SH3RF1: variants seen among roughly 807,000 people sequenced by gnomAD.
SH3RF1 encodes the protein E3 ubiquitin-protein ligase SH3RF1.
Under a neutral mutation model 74.0 loss-of-function variants are expected in SH3RF1, and 32 were observed. The observed-to-expected ratio is 0.43, with a 90% CI of 0.33 to 0.58. The LOEUF is 0.58. Ranked by LOEUF, SH3RF1 falls within the 20% of genes least tolerant of loss-of-function variation. The pLI is 0.05. For missense variants in SH3RF1, 954 were observed against 1,130.9 expected (o/e 0.84, Z 2.24); for synonymous variants, 396 against 439.6 (o/e 0.90, Z 1.24).
chr4:169,202,868 TA>T (rs1734933978), intron 2 of SH3RF1, among the ~76,000 whole-genome samples: 1 of 152,194 alleles, frequency 6.6e-6, no homozygotes, highest in African/African-American at 2.4e-5. Flanking sequence ...AAAGAAACTT[TA>T]AAAAACTGGC....
At chr4:169,128,699 CTAAT>C (rs1263892877) in intron 6 of SH3RF1, among the ~76,000 whole-genome samples, 1 of 152,186 alleles carries the variant, frequency 6.6e-6, no homozygotes, top group Non-Finnish European at 1.5e-5. Context: ...AACATTTTGA[CTAAT>C]TATGTTGTGG....
At chr4:169,226,673 C>A (rs986423409) in intron 2 of SH3RF1, among the ~76,000 whole-genome samples, 3 of 152,098 alleles carry the variant, frequency 2.0e-5, no homozygotes, top group African/African-American at 7.2e-5. Context: ...CCACAGTGCA[C>A]CATCAATTTT....
intron 2 of SH3RF1, among the ~76,000 whole-genome samples, chr4:169,257,184 C>G (rs1731205097): frequency 6.6e-6 from 1 of 152,188 alleles, no homozygotes; most frequent in Admixed American, 6.5e-5. Context: ...TATTACCAGA[C>G]ACTTTCTGTC....
chr4:169,169,355 G>C (rs1734290497), intron 2 of SH3RF1, among the ~76,000 whole-genome samples: 1 of 152,174 alleles, frequency 6.6e-6, no homozygotes. Flanking sequence ...CCAGCACTTT[G>C]GGAGGCTGAG....
intron 2 of SH3RF1, among the ~76,000 whole-genome samples, chr4:169,221,426 ACT>A (rs1368850325): frequency 6.6e-6 from 1 of 152,100 alleles, no homozygotes; most frequent in Non-Finnish European, 1.5e-5. Flanking sequence ...CAAAAATAAA[ACT>A]CTTAAAATTA....
intron 2 of SH3RF1, among the ~76,000 whole-genome samples, chr4:169,173,753 C>T (rs1734369177): frequency 2.0e-5 from 3 of 151,142 alleles, no homozygotes; most frequent in South Asian, 4.2e-4. Context: ...TACAAGCTAC[C>T]TTTTTTTTTA....
intron 11 of SH3RF1, among the ~76,000 whole-genome samples, chr4:169,101,671 AG>A: frequency 6.7e-6 from 1 of 148,200 alleles, no homozygotes; most frequent in Non-Finnish European, 1.5e-5. Context: ...TTTAAAAAAA[AG>A]GCAAAAAAAA....
intron 11 of SH3RF1, among the ~76,000 whole-genome samples, chr4:169,106,429 G>A (rs1733139160): frequency 6.6e-6 from 1 of 151,438 alleles, no homozygotes; most frequent in African/African-American, 2.4e-5. Context: ...GGACATACCT[G>A]CTCTAGTTGC....
At chr4:169,188,456 C>T (rs1263151210) in intron 2 of SH3RF1, among the ~76,000 whole-genome samples, 1 of 152,166 alleles carries the variant, frequency 6.6e-6, no homozygotes, top group Admixed American at 6.5e-5. Context: ...AAGGTTGAAG[C>T]AAAACCTAAC....
intron 2 of SH3RF1, among the ~76,000 whole-genome samples, chr4:169,184,089 T>G (rs764431151): frequency 6.6e-6 from 1 of 152,134 alleles, no homozygotes; most frequent in Non-Finnish European, 1.5e-5. Context: ...TAATGCAAAT[T>G]CACTCACATG....
rs752110476 is a variant in SH3RF1 at position 169,190,588 on chromosome 4, C to CA, written c.394-33910dup. 2.2e-3 allele frequency among the ~76,000 whole-genome samples: 299 copies of CA among 136,640 alleles called. 1 individual carries two copies. The highest frequency in any genetic ancestry group is 2.7e-3 in the Admixed American group (37 of 13,706). The allele number at this position is 136,640 out of a possible 152,430, so 89.6% of individuals were successfully genotyped here. A position where few individuals can be genotyped will look rare whatever the true frequency, so the allele number is the denominator to read the frequency against. On this transcript the variant is annotated intron_variant, in intron 2 of 11. Coordinates refer to ENST00000284637, the MANE Select transcript of SH3RF1 (RefSeq NM_020870.4). ...ACTGAAATGGTCATTTTAAAATTACCAAAAAAAAAAAAGTCCAGTACCAGA... is the reference window on the plus strand; with the variant it reads ...ACTGAAATGGTCATTTTAAAATTACCAAAAAAAAAAAAAGTCCAGTACCAGA...
chr4:169,157,044 A>T (rs1273662026), intron 2 of SH3RF1, among the ~76,000 whole-genome samples: 1 of 152,242 alleles, frequency 6.6e-6, no homozygotes, highest in Non-Finnish European at 1.5e-5. Context: ...TACATTAACT[A>T]CTTTATTCAT....
At chr4:169,201,148 A>C (rs565504237) in intron 2 of SH3RF1, among the ~76,000 whole-genome samples, 10 of 152,362 alleles carry the variant, frequency 6.6e-5, no homozygotes, top group African/African-American at 2.4e-4. Flanking sequence ...ATATTTTTAA[A>C]ATTAACATCT....
At chr4:169,179,877 T>C (rs1452797686) in intron 2 of SH3RF1, among the ~76,000 whole-genome samples, 3 of 152,336 alleles carry the variant, frequency 2.0e-5, no homozygotes, top group African/African-American at 7.2e-5. Flanking sequence ...CTAAGACATA[T>C]TCCACCCACT....
chr4:169,132,135 C>T (rs552925800), intron 5 of SH3RF1, among the ~76,000 whole-genome samples: 36 of 152,236 alleles, frequency 2.4e-4, no homozygotes, highest in Admixed American at 5.2e-4. Flanking sequence ...TTGTTCAAAA[C>T]GCGAAGTACA....
chr4:169,208,454 T>C (rs991915246), intron 2 of SH3RF1, among the ~76,000 whole-genome samples: 16 of 152,224 alleles, frequency 1.1e-4, no homozygotes, highest in Admixed American at 7.9e-4. Flanking sequence ...GATAAAATTA[T>C]ACTTCTTTTT....
intron 4 of SH3RF1, among the ~76,000 whole-genome samples, chr4:169,142,429 T>C (rs111490639): frequency 6.6e-6 from 1 of 152,242 alleles, no homozygotes. Flanking sequence ...CATTCCACAA[T>C]TGTTTTAAAT....
intron 2 of SH3RF1, among the ~76,000 whole-genome samples, chr4:169,186,462 C>T (rs1734604065): frequency 6.6e-6 from 1 of 151,908 alleles, no homozygotes; most frequent in Non-Finnish European, 1.5e-5. Flanking sequence ...CCCCTATTTT[C>T]TTTCTGATTC....
chr4:169,105,122 T>C (rs1485764902), intron 11 of SH3RF1, among the ~76,000 whole-genome samples: 1 of 152,086 alleles, frequency 6.6e-6, no homozygotes. Context: ...TAACACTTTA[T>C]AGTAAGATTT....
Sources: allele counts gnomAD v4.1 joint callset (sites outside exome capture counted in the v4.1 genomes callset), GRCh38; gene constraint gnomAD v4.1.1; transcripts MANE v1.5; gene names NCBI Gene and HGNC (gene_info 2026-07-23, HGNC 2026-07-21).